SEM1: variants seen among roughly 807,000 people sequenced by gnomAD.
SEM1 encodes the protein SEM1 26S proteasome subunit, also known as 26S proteasome complex subunit SEM1.
In SEM1, 3 loss-of-function variants were observed where a neutral mutation model predicts 12.7. The observed-to-expected ratio is 0.24, with a 90% confidence interval of 0.11 to 0.61. The LOEUF (loss-of-function observed/expected upper bound fraction) is 0.61, where lower values mean the gene tolerates loss of function less well. Ranked by LOEUF, SEM1 falls within the 20% of genes least tolerant of loss-of-function variation. The pLI, the probability that SEM1 is intolerant of heterozygous loss-of-function variation, is 0.88. For missense variants in SEM1, 59 were observed against 81.3 expected, an observed-to-expected ratio of 0.73 and a Z score of 1.06; for synonymous variants, 30 against 27.8, an observed-to-expected ratio of 1.08 and a Z score of -0.25.
intron 1 of SEM1, among the ~76,000 whole-genome samples, chr7:96,701,661 T>C (rs1416902631): frequency 1.3e-5 from 2 of 152,078 alleles, no homozygotes; most frequent in African/African-American, 4.8e-5. Flanking sequence ...AGGATTAAGA[T>C]GGTAACAGCT....
intron 2 of SEM1, among the ~76,000 whole-genome samples, chr7:96,545,244 G>A (rs1450517698): frequency 6.6e-6 from 1 of 151,874 alleles, no homozygotes; most frequent in Non-Finnish European, 1.5e-5. Flanking sequence ...TTCTTTCTTT[G>A]AACTGATATT....
chr7:96,690,360 T>C (rs1020160463), intron 2 of SEM1, among the ~76,000 whole-genome samples: 2 of 152,114 alleles, frequency 1.3e-5, no homozygotes, highest in African/African-American at 4.8e-5. Flanking sequence ...AGGTGGCTGG[T>C]CACTAACTGC....
chr7:96,680,294 CTCTAT>C (rs1247476108), intron 2 of SEM1, among the ~76,000 whole-genome samples: 2 of 152,076 alleles, frequency 1.3e-5, no homozygotes, highest in African/African-American at 4.8e-5. Context: ...GAATCCTTAT[CTCTAT>C]TCTAAGTTGC....
chr7:96,509,629 G>T (rs1302073915), intron 2 of SEM1, among the ~76,000 whole-genome samples: 3 of 152,134 alleles, frequency 2.0e-5, no homozygotes, highest in Non-Finnish European at 4.4e-5. Flanking sequence ...GTAGCCAAAA[G>T]GTAGAAGCAA....
chr7:96,547,692 A>C (rs1273292471), intron 2 of SEM1, among the ~76,000 whole-genome samples: 1 of 152,020 alleles, frequency 6.6e-6, no homozygotes, highest in Non-Finnish European at 1.5e-5. Flanking sequence ...TTACAATGGC[A>C]CTTTCCCCTT....
chr7:96,671,451 A>G (rs954140047), downstream of SEM1, among the ~76,000 whole-genome samples: 2 of 152,152 alleles, frequency 1.3e-5, no homozygotes, highest in Non-Finnish European at 2.9e-5. Flanking sequence ...AGTAAAGACA[A>G]TCCCCACCCA....
chr7:96,617,974 T>A (rs760656014), downstream of SEM1, among the ~76,000 whole-genome samples: 10 of 152,164 alleles, frequency 6.6e-5, no homozygotes, highest in Non-Finnish European at 1.3e-4. Flanking sequence ...TCAGGGATAT[T>A]GGTTTCTTGT....
chr7:96,518,755 A>G (rs1325257340), intron 2 of SEM1, among the ~76,000 whole-genome samples: 1 of 152,114 alleles, frequency 6.6e-6, no homozygotes, highest in African/African-American at 2.4e-5. Flanking sequence ...TCTTTAGTAA[A>G]TGAGGTGATG....
Position 96,529,558 on chromosome 7 carries a change from G to A in SEM1, c.171-22860C>T, listed in dbSNP as rs1470015031. ...TTGGTATTTCAATTATCATAAGTAT[G>A]GCAAAAATTTTTGCATTAGGAATAA... On this transcript the variant is annotated intron_variant and NMD_transcript_variant, in intron 2 of 3. Coordinates refer to the SEM1 transcript ENST00000466986. Among the ~76,000 whole-genome samples, 3 of 151,902 alleles carry A rather than the reference G, an allele frequency of 2.0e-5. No individual in the cohort carries two copies. In the East Asian group the frequency reaches 5.8e-4, roughly 30 times the overall value.
intron 2 of SEM1, among the ~76,000 whole-genome samples, chr7:96,651,544 G>C (rs181153005): frequency 6.6e-6 from 1 of 152,146 alleles, no homozygotes; most frequent in Non-Finnish European, 1.5e-5. Context: ...CCACAGGGCT[G>C]ATAAAGAGCA....
chr7:96,521,004 G>A (rs1804249869), intron 2 of SEM1, among the ~76,000 whole-genome samples: 1 of 151,982 alleles, frequency 6.6e-6, no homozygotes, highest in Non-Finnish European at 1.5e-5. Flanking sequence ...TAATCTCTCA[G>A]GCAAACAAAA....
At chr7:96,603,701 C>T (rs1002025656) in intron 2 of SEM1, among the ~76,000 whole-genome samples, 1 of 152,118 alleles carries the variant, frequency 6.6e-6, no homozygotes, top group African/African-American at 2.4e-5. Flanking sequence ...CCTATAGCAA[C>T]AGTCACCAAG....
rs4570086 is a variant in SEM1 at position 96,613,816 on chromosome 7, G to A, written c.170+80982C>T. Reference sequence around the variant, plus strand: ...TACACTATTTGTCTCACTATGCCTCGCTTATTTCACTTAGCATAATGTCCT... The same window carrying A: ...TACACTATTTGTCTCACTATGCCTCACTTATTTCACTTAGCATAATGTCCT... On this transcript the variant is annotated intron_variant and NMD_transcript_variant, in intron 2 of 3. Transcript: ENST00000466986. Among the ~76,000 whole-genome samples the A allele has an allele frequency of 3.9e-5, 6 of 152,242 alleles. No homozygotes were observed. The South Asian group carries it at 6.2e-4, about 16-fold the overall frequency.
At chr7:96,641,256 G>A (rs2116390878) in intron 2 of SEM1, among the ~76,000 whole-genome samples, 1 of 151,884 alleles carries the variant, frequency 6.6e-6, no homozygotes, top group South Asian at 2.1e-4. Context: ...TCTTTGAGAA[G>A]ACTAGCTAGA....
At chr7:96,555,845 C>G (rs1470480991) in intron 2 of SEM1, among the ~76,000 whole-genome samples, 2 of 149,566 alleles carry the variant, frequency 1.3e-5, no homozygotes, top group African/African-American at 4.9e-5. Context: ...GTAGGTCACT[C>G]AGGACTTGCT....
intron 2 of SEM1, among the ~76,000 whole-genome samples, chr7:96,569,919 T>G (rs1008472266): frequency 2.0e-5 from 3 of 152,162 alleles, no homozygotes; most frequent in African/African-American, 7.2e-5. Context: ...CACATTTCCT[T>G]TATCTAATTA....
chr7:96,670,950 G>T (rs1050340641), downstream of SEM1, among the ~76,000 whole-genome samples: 1 of 152,164 alleles, frequency 6.6e-6, no homozygotes, highest in African/African-American at 2.4e-5. Context: ...CTTGCCTCAT[G>T]GAGATATATC....
chr7:96,551,908 C>T (rs997293999), intron 2 of SEM1, among the ~76,000 whole-genome samples: 3 of 152,244 alleles, frequency 2.0e-5, no homozygotes, highest in African/African-American at 7.2e-5. Flanking sequence ...TTATTTCAGA[C>T]TTCTGGCCCC....
chr7:96,592,999 T>TTAAA (rs60512379), intron 2 of SEM1, among the ~76,000 whole-genome samples: 6,809 of 127,726 alleles, frequency 0.053, 317 homozygotes, highest in African/African-American at 0.085. Flanking sequence ...TCTCCCATAT[T>TTAAA]AAAAAAAAAA....
Sources: allele counts gnomAD v4.1 joint callset (sites outside exome capture counted in the v4.1 genomes callset), GRCh38; gene constraint gnomAD v4.1.1; transcripts MANE v1.5; gene names NCBI Gene and HGNC (gene_info 2026-07-23, HGNC 2026-07-21).